Variants in SLC35F4 observed in about 807,000 individuals in gnomAD.
SLC35F4 encodes solute carrier family 35 member F4.
Under a neutral mutation model 44.2 loss-of-function variants are expected in SLC35F4, and 24 were observed. The ratio of observed to expected loss-of-function variants is 0.54; its 90% confidence interval spans 0.39 to 0.76. SLC35F4 has a LOEUF of 0.76. Ranked by LOEUF, SLC35F4 falls within the 30% of genes least tolerant of loss-of-function variation. The pLI is 0.00. For missense variants in SLC35F4, 562 were observed against 586.1 expected, an observed-to-expected ratio of 0.96 and a Z score of 0.42; for synonymous variants, 238 against 223.6, an observed-to-expected ratio of 1.06 and a Z score of -0.57.
intron 1 of SLC35F4, among the ~76,000 whole-genome samples, chr14:57,924,053 G>T (rs1313160973): frequency 6.6e-6 from 1 of 152,104 alleles, no homozygotes; most frequent in African/African-American, 2.4e-5. Context: ...CCCTGTACAG[G>T]CTCTCTCTTT....
At chr14:57,779,805 T>C (rs905815847) in intron 1 of SLC35F4, among the ~76,000 whole-genome samples, 34 of 152,056 alleles carry the variant, frequency 2.2e-4, no homozygotes, top group African/African-American at 7.7e-4. Flanking sequence ...ATGTGCTTCA[T>C]TGCATAAACA....
intron 1 of SLC35F4, among the ~76,000 whole-genome samples, chr14:57,844,888 G>GTCTCTCTGTCTCTCTCCTCCATCTATC: frequency 1.3e-5 from 2 of 152,032 alleles, no homozygotes; most frequent in Non-Finnish European, 2.9e-5. Flanking sequence ...TAGTAGAGGG[G>GTCTCTCTGTCTCTCTCCTCCATCTATC]TCTCTCTGTC....
chr14:57,778,875 G>T (rs1210682324), intron 1 of SLC35F4, among the ~76,000 whole-genome samples: 2 of 152,070 alleles, frequency 1.3e-5, no homozygotes, highest in Non-Finnish European at 2.9e-5. Context: ...AATGACTTTT[G>T]GGTAAGTAAT....
chr14:57,786,406 C>T (rs1053761611), intron 1 of SLC35F4, among the ~76,000 whole-genome samples: 7 of 152,184 alleles, frequency 4.6e-5, no homozygotes, highest in Admixed American at 6.5e-5. Context: ...TCCCTCTCCA[C>T]ACTACTACAG....
intron 1 of SLC35F4, among the ~76,000 whole-genome samples, chr14:57,673,107 T>A (rs960700853): frequency 1.3e-5 from 2 of 152,174 alleles, no homozygotes; most frequent in Admixed American, 6.5e-5. Context: ...GAATTTGAAT[T>A]ACTAAATTAT....
chr14:57,733,609 C>T (rs1424529412), intron 1 of SLC35F4, among the ~76,000 whole-genome samples: 1 of 151,604 alleles, frequency 6.6e-6, no homozygotes, highest in Non-Finnish European at 1.5e-5. Flanking sequence ...AGCACTGGTA[C>T]CTTTTCCACT....
intron 1 of SLC35F4, among the ~76,000 whole-genome samples, chr14:57,823,834 T>G (rs1883438575): frequency 6.6e-6 from 1 of 152,200 alleles, no homozygotes; most frequent in African/African-American, 2.4e-5. Flanking sequence ...ATAAAAATTT[T>G]AAATATAGAC....
At position 57,578,019 on chromosome 14, in the gene SLC35F4, C is replaced by G. The variant is rs370120916; in HGVS notation, c.807+3195G>C. 1.9e-4 allele frequency among the ~76,000 whole-genome samples: 29 copies of G among 152,190 alleles called. 1 individual carries two copies. The highest frequency in any genetic ancestry group is 6.7e-4 in the African/African-American group (28 of 41,526). ...AGAAACAAAATATTAGCAAGTTATT[C>G]ATAATACATAATTCATTTTTATGTG... On this transcript the variant is annotated intron_variant, in intron 4 of 7. Coordinates refer to ENST00000556826, the MANE Select transcript of SLC35F4 (RefSeq NM_001306087.2).
intron 1 of SLC35F4, among the ~76,000 whole-genome samples, chr14:57,694,197 G>C (rs2075312581): frequency 6.6e-6 from 1 of 152,170 alleles, no homozygotes; most frequent in African/African-American, 2.4e-5. Flanking sequence ...AAGTATAATT[G>C]CATCTTTGGC....
chr14:57,587,562 T>C (rs745540175), intron 3 of SLC35F4, among the ~76,000 whole-genome samples: 7 of 151,506 alleles, frequency 4.6e-5, no homozygotes, highest in Admixed American at 1.3e-4. Flanking sequence ...TTAGTGGGAG[T>C]TGAACAATGA....
intron 1 of SLC35F4, among the ~76,000 whole-genome samples, chr14:57,719,416 G>A (rs1383038547): frequency 6.6e-6 from 1 of 152,094 alleles, no homozygotes; most frequent in Admixed American, 6.5e-5. Flanking sequence ...TGGGTAGTAT[G>A]GACATTTTAA....
At position 57,865,976 on chromosome 14, in the gene SLC35F4, G is replaced by C. The variant is rs1004400359; in HGVS notation, c.-151C>G. The C allele has an allele frequency of 4.6e-6, 2 of 431,292 alleles. No individual in the cohort carries two copies. The highest frequency in any genetic ancestry group is 7.8e-6 in the Non-Finnish European group (2 of 257,124). 26.7% of individuals were successfully genotyped at this position (431,292 alleles called of 1,614,324 possible). A position where few individuals can be genotyped will look rare whatever the true frequency, so the allele number is the denominator to read the frequency against. Reference sequence around the variant, plus strand: ...TGACTCCACCGCCCGGCGCAGCACCGGCTCCGCATCACAGCGGCGGCGGCG... The same window carrying C: ...TGACTCCACCGCCCGGCGCAGCACCCGCTCCGCATCACAGCGGCGGCGGCG... On this transcript the variant is annotated 5_prime_UTR_variant, in exon 1 of 8. Coordinates refer to ENST00000556826, the MANE Select transcript of SLC35F4 (RefSeq NM_001306087.2).
At chr14:57,972,206 T>C (rs543575297), downstream of SLC35F4, among the ~76,000 whole-genome samples, 1 of 152,318 alleles carries the variant, frequency 6.6e-6, no homozygotes, top group South Asian at 2.1e-4. Flanking sequence ...TGGCGCCTTG[T>C]AGATCATAGA....
intron 4 of SLC35F4, among the ~76,000 whole-genome samples, chr14:57,574,865 C>G (rs1345648272): frequency 6.7e-6 from 1 of 148,910 alleles, no homozygotes; most frequent in Non-Finnish European, 1.5e-5. Flanking sequence ...TTTTCAGAAT[C>G]AATCAGTCAT....
At chr14:57,687,719 T>C (rs186466768) in intron 1 of SLC35F4, among the ~76,000 whole-genome samples, 11 of 152,316 alleles carry the variant, frequency 7.2e-5, no homozygotes, top group Admixed American at 3.9e-4. Context: ...CAATCCCTTG[T>C]GGTTTACCTC....
chr14:57,967,705 A>G (rs905925517), intron 1 of SLC35F4, among the ~76,000 whole-genome samples: 2 of 152,220 alleles, frequency 1.3e-5, no homozygotes, highest in African/African-American at 4.8e-5. Context: ...TTGCTTCCAC[A>G]ATCACACAGC....
chr14:57,807,546 A>G (rs1881473263), intron 1 of SLC35F4, among the ~76,000 whole-genome samples: 2 of 151,890 alleles, frequency 1.3e-5, no homozygotes, highest in African/African-American at 4.9e-5. Flanking sequence ...GCAAAACACT[A>G]TACTTGCTCT....
At chr14:57,743,868 T>A (rs2076687745) in intron 1 of SLC35F4, among the ~76,000 whole-genome samples, 1 of 152,124 alleles carries the variant, frequency 6.6e-6, no homozygotes, top group Non-Finnish European at 1.5e-5. Context: ...CATCAAAAAC[T>A]TATCCACCAT....
At chr14:57,599,028 C>G (rs927571893) in intron 1 of SLC35F4, among the ~76,000 whole-genome samples, 2 of 152,212 alleles carry the variant, frequency 1.3e-5, no homozygotes, top group African/African-American at 4.8e-5. Context: ...CACTTGACCT[C>G]ACTTTGTTCA....
Sources: gnomAD v4.1 joint callset for allele counts (sites outside exome capture counted in the v4.1 genomes callset) on GRCh38, gnomAD v4.1.1 for gene constraint, MANE v1.5 for transcripts, NCBI Gene and HGNC (gene_info 2026-07-23, HGNC 2026-07-21) for gene names.